Variants in CDH12 observed in about 807,000 individuals in gnomAD.
The protein encoded by CDH12 is cadherin-12.
CDH12 carries 41 observed loss-of-function variants against 74.1 expected under a neutral mutation model. The ratio of observed to expected loss-of-function variants is 0.55; its 90% confidence interval spans 0.43 to 0.72. The LOEUF (loss-of-function observed/expected upper bound fraction) is 0.72. Ranked by LOEUF, CDH12 falls within the 30% of genes least tolerant of loss-of-function variation. The pLI is 0.00. For synonymous variants in CDH12, 399 were observed against 355.0 expected (o/e 1.12, Z -1.39); for missense variants, 945 against 977.2 (o/e 0.97, Z 0.44).
At chr5:21,762,037 A>T (rs1038143591) in intron 12 of CDH12, among the ~76,000 whole-genome samples, 3 of 152,098 alleles carry the variant, frequency 2.0e-5, no homozygotes, top group Non-Finnish European at 4.4e-5. Flanking sequence ...CTTCACTTAG[A>T]CCAATGTCTG....
intron 8 of CDH12, among the ~76,000 whole-genome samples, chr5:21,819,807 A>C (rs1461105650): frequency 6.6e-6 from 1 of 151,914 alleles, no homozygotes; most frequent in Non-Finnish European, 1.5e-5. Flanking sequence ...AAACAGTGAG[A>C]GTCATAAGGA....
chr5:21,925,525 T>C (rs967974565), intron 6 of CDH12, among the ~76,000 whole-genome samples: 3 of 152,224 alleles, frequency 2.0e-5, no homozygotes, highest in African/African-American at 7.2e-5. Flanking sequence ...AATTAAAAGA[T>C]GTTACATTTT....
rs184711077 is a variant in CDH12, at chr5:22,088,872, G to A, written c.-186-10010C>T. On this transcript the variant is annotated intron_variant, in intron 4 of 14. Coordinates refer to ENST00000382254, the MANE Select transcript of CDH12 (RefSeq NM_004061.5). ...ACTACCAACCACCGCATGGCATGAG[G>A]CAGTTGTGAAAGTGTCCCCCAAGGT... is the stretch of plus-strand genomic sequence containing the variant. 9.7e-4 allele frequency among the ~76,000 whole-genome samples: 148 copies of A among 152,258 alleles called. 1 individual carries two copies. The Middle Eastern group carries it at 0.01, about 10-fold the overall frequency.
chr5:22,485,746 A>T (rs572444380), intron 2 of CDH12, among the ~76,000 whole-genome samples: 1 of 152,304 alleles, frequency 6.6e-6, no homozygotes, highest in African/African-American at 2.4e-5. Context: ...AAATTGTTTT[A>T]TGATTTTCCA....
chr5:21,804,799 G>C (rs1747341658), intron 9 of CDH12, among the ~76,000 whole-genome samples: 1 of 151,778 alleles, frequency 6.6e-6, no homozygotes, highest in African/African-American at 2.4e-5. Context: ...ACAGAATATT[G>C]CCATCTTGCT....
chr5:22,755,941 T>C (rs2127044498), intron 1 of CDH12, among the ~76,000 whole-genome samples: 1 of 151,966 alleles, frequency 6.6e-6, no homozygotes, highest in East Asian at 1.9e-4. Flanking sequence ...AAATTTTACA[T>C]ACTTTGCTTT....
At chr5:22,259,577 T>A (rs1453563392) in intron 3 of CDH12, among the ~76,000 whole-genome samples, 2 of 152,110 alleles carry the variant, frequency 1.3e-5, no homozygotes, top group Non-Finnish European at 2.9e-5. Flanking sequence ...TTTAATTTGT[T>A]GTCCAATGAA....
At chr5:22,106,794 C>T (rs1394583790) in intron 4 of CDH12, among the ~76,000 whole-genome samples, 1 of 152,154 alleles carries the variant, frequency 6.6e-6, no homozygotes, top group Non-Finnish European at 1.5e-5. Context: ...TGTGAGGATG[C>T]TTATGTTTCT....
At chr5:22,184,283 A>G (rs747533012) in intron 4 of CDH12, among the ~76,000 whole-genome samples, 1 of 152,206 alleles carries the variant, frequency 6.6e-6, no homozygotes, top group Non-Finnish European at 1.5e-5. Context: ...AAGTAGTGAG[A>G]TGGGTTCATA....
chr5:22,044,184 A>G (rs112323565), intron 5 of CDH12, among the ~76,000 whole-genome samples: 8 of 152,346 alleles, frequency 5.3e-5, no homozygotes, highest in African/African-American at 1.7e-4. Context: ...ACTTTAAAAT[A>G]TACTACAAAG....
intron 3 of CDH12, among the ~76,000 whole-genome samples, chr5:22,268,033 G>A (rs1232256354): frequency 1.3e-5 from 2 of 152,048 alleles, no homozygotes; most frequent in African/African-American, 4.8e-5. Flanking sequence ...GCAGGGAAGT[G>A]GAACAATCTT....
At chr5:21,900,309 CT>C (rs1321908284) in intron 6 of CDH12, among the ~76,000 whole-genome samples, 1 of 152,112 alleles carries the variant, frequency 6.6e-6, no homozygotes, top group Non-Finnish European at 1.5e-5. Context: ...AAAGCAAACA[CT>C]ATAAACTGGC....
chr5:21,920,414 A>C (rs1457599623), intron 6 of CDH12, among the ~76,000 whole-genome samples: 1 of 152,142 alleles, frequency 6.6e-6, no homozygotes, highest in Admixed American at 6.6e-5. Flanking sequence ...ATTCTCAGCA[A>C]ACTAACACAA....
intron 2 of CDH12, among the ~76,000 whole-genome samples, chr5:22,450,944 G>T (rs1029564985): frequency 7.0e-6 from 1 of 143,324 alleles, no homozygotes; most frequent in African/African-American, 2.6e-5. Context: ...AGACTGGAAT[G>T]CTCTTTGCCT....
At chr5:22,035,583 AT>A (rs1561043390) in intron 5 of CDH12, among the ~76,000 whole-genome samples, 1 of 151,992 alleles carries the variant, frequency 6.6e-6, no homozygotes, top group African/African-American at 2.4e-5. Flanking sequence ...ACCAAGAGAA[AT>A]TTTTTTAAAA....
intron 5 of CDH12, among the ~76,000 whole-genome samples, chr5:21,999,084 C>G (rs1233551827): frequency 6.6e-6 from 1 of 152,112 alleles, no homozygotes; most frequent in Non-Finnish European, 1.5e-5. Context: ...GGCAGGAAAT[C>G]TTTATTAAAG....
At chr5:22,159,116 G>C (rs1335625372) in intron 4 of CDH12, among the ~76,000 whole-genome samples, 1 of 152,056 alleles carries the variant, frequency 6.6e-6, no homozygotes, top group Non-Finnish European at 1.5e-5. Context: ...GAAAATAGAT[G>C]AGGAATGTCA....
In CDH12 at chr5:22,772,078, C is replaced by G. The variant is rs909781955; in HGVS notation, c.-523+80980G>C. Among the ~76,000 whole-genome samples the G allele has an allele frequency of 4.6e-5, 7 of 151,890 alleles. No homozygotes were observed. The South Asian group carries it at 1.5e-3, about 31-fold the overall frequency. On this transcript the variant is annotated intron_variant, in intron 1 of 14. Coordinates refer to ENST00000382254, the MANE Select transcript of CDH12 (RefSeq NM_004061.5). ...ATTTCAGGTAGTGGTGAATAGGACTCTAGGAGAGAAACTAGGTGTTAGGGA... is the reference window on the plus strand; with the variant it reads ...ATTTCAGGTAGTGGTGAATAGGACTGTAGGAGAGAAACTAGGTGTTAGGGA...
intron 3 of CDH12, among the ~76,000 whole-genome samples, chr5:22,272,303 A>T (rs75514768): frequency 5.3e-5 from 8 of 152,304 alleles, no homozygotes; most frequent in Non-Finnish European, 1.2e-4. Flanking sequence ...CTCTCACAGA[A>T]CTGAAGAGCA....
Sources: gnomAD v4.1 joint callset for allele counts (sites outside exome capture counted in the v4.1 genomes callset) on GRCh38, gnomAD v4.1.1 for gene constraint, MANE v1.5 for transcripts, NCBI Gene and HGNC (gene_info 2026-07-23, HGNC 2026-07-21) for gene names.